Variants in SPHKAP observed in about 807,000 individuals in gnomAD.
SPHKAP encodes the protein SPHK1 interactor, AKAP domain containing.
A neutral mutation model predicts 137.5 loss-of-function variants in SPHKAP; 67 were observed. The ratio of observed to expected loss-of-function variants is 0.49; its 90% CI spans 0.40 to 0.60. The LOEUF (loss-of-function observed/expected upper bound fraction) is 0.60, where lower values mean the gene tolerates loss of function less well. Among genes scored for constraint, SPHKAP ranks in the 20% least tolerant of loss-of-function variants. The probability of loss-of-function intolerance (pLI) is 0.00; values close to 1 mark genes in which losing one functional copy is unlikely to be tolerated. For missense variants in SPHKAP, 2,097 were observed against 2,069.3 expected (o/e 1.01, Z -0.26); for synonymous variants, 813 against 785.3 (o/e 1.04, Z -0.59).
chr2:227,998,173 ATTT>A (rs1387105314), intron 7 of SPHKAP, among the ~76,000 whole-genome samples: 1 of 152,082 alleles, frequency 6.6e-6, no homozygotes, highest in Non-Finnish European at 1.5e-5. Flanking sequence ...TGCCTGGCTA[ATTT>A]TTTTATTTTT....
chr2:228,136,563 T>TA (rs1216082336), intron 1 of SPHKAP, among the ~76,000 whole-genome samples: 1 of 152,170 alleles, frequency 6.6e-6, no homozygotes, highest in African/African-American at 2.4e-5. Context: ...TGGATCCAGT[T>TA]ACTGGAAACT....
chr2:228,156,642 C>T (rs1158444729), intron 1 of SPHKAP, among the ~76,000 whole-genome samples: 1 of 152,190 alleles, frequency 6.6e-6, no homozygotes, highest in African/African-American at 2.4e-5. Flanking sequence ...GCTGTGTCCC[C>T]ACCCAAATCT....
chr2:228,074,763 C>A (rs1221118692), intron 3 of SPHKAP, among the ~76,000 whole-genome samples: 2 of 152,084 alleles, frequency 1.3e-5, no homozygotes, highest in South Asian at 2.1e-4. Flanking sequence ...TATTCTCCTT[C>A]CCTTCTGCCC....
chr2:228,033,883 T>TA (rs1444101368), intron 3 of SPHKAP, among the ~76,000 whole-genome samples: 1 of 152,172 alleles, frequency 6.6e-6, no homozygotes, highest in African/African-American at 2.4e-5. Flanking sequence ...CAAAGAAGTA[T>TA]GTAGAGGGAA....
At chr2:228,108,737 T>C (rs912009944) in intron 3 of SPHKAP, 95 bp downstream of exon 3, 3 of 801,616 alleles carry the variant, frequency 3.7e-6, no homozygotes, top group Admixed American at 5.4e-5. Context: ...CAACTTGGTA[T>C]TTAATGAATT....
intron 9 of SPHKAP, among the ~76,000 whole-genome samples, chr2:227,992,300 C>A (rs893021469): frequency 6.6e-6 from 1 of 152,126 alleles, no homozygotes; most frequent in Admixed American, 6.5e-5. Context: ...TTCATTCATA[C>A]TTATTTATTT....
intron 3 of SPHKAP, among the ~76,000 whole-genome samples, chr2:228,032,401 C>G (rs1276341898): frequency 6.6e-6 from 1 of 152,192 alleles, no homozygotes; most frequent in Non-Finnish European, 1.5e-5. Context: ...AAATCTACGT[C>G]TGATTGCTGT....
intron 3 of SPHKAP, among the ~76,000 whole-genome samples, chr2:228,092,543 CATATATATGTGTATATGTGCCA>C (rs1697831958): frequency 1.1e-5 from 1 of 89,006 alleles, no homozygotes; most frequent in African/African-American, 4.4e-5. Context: ...ATATATGTGC[CATATATATGTGTATATGTGCCA>C]TATATATGTG....
intron 3 of SPHKAP, among the ~76,000 whole-genome samples, chr2:228,063,739 T>TA (rs1696738934): frequency 6.6e-6 from 1 of 152,194 alleles, no homozygotes; most frequent in Admixed American, 6.5e-5. Flanking sequence ...AGACACTGAC[T>TA]TATTCATGCA....
At chr2:228,172,668 G>T (rs1700619636) in intron 1 of SPHKAP, among the ~76,000 whole-genome samples, 1 of 152,250 alleles carries the variant, frequency 6.6e-6, no homozygotes, top group East Asian at 1.9e-4. Context: ...AACCCCAGGG[G>T]ATTAAGACCA....
chr2:228,030,558 A>G (rs1258555098), intron 3 of SPHKAP, among the ~76,000 whole-genome samples: 1 of 149,736 alleles, frequency 6.7e-6, no homozygotes, highest in African/African-American at 2.5e-5. Flanking sequence ...AAAAAAAAAT[A>G]AAAAAATTAA....
chr2:228,024,360 TTA>T (rs1491289439), intron 5 of SPHKAP, among the ~76,000 whole-genome samples: 12 of 142,526 alleles, frequency 8.4e-5, no homozygotes, highest in South Asian at 2.2e-4. Flanking sequence ...TTTTTTTTTT[TTA>T]AATCTGTGAA....
chr2:228,120,537 A>G (rs1486726920), intron 2 of SPHKAP, among the ~76,000 whole-genome samples: 2 of 152,204 alleles, frequency 1.3e-5, no homozygotes, highest in African/African-American at 4.8e-5. Context: ...TAAGATGGCA[A>G]GAAATGACCT....
intron 1 of SPHKAP, among the ~76,000 whole-genome samples, chr2:228,145,272 G>C (rs1016381754): frequency 3.9e-5 from 6 of 152,098 alleles, no homozygotes; most frequent in Non-Finnish European, 7.4e-5. Context: ...AATACTACTG[G>C]TTTCATTTTT....
intron 7 of SPHKAP, among the ~76,000 whole-genome samples, chr2:228,010,446 C>A (rs1364075485): frequency 6.6e-6 from 1 of 152,090 alleles, no homozygotes; most frequent in Admixed American, 6.6e-5. Flanking sequence ...GCAGGAGAAT[C>A]GCTTGCAGCT....
chr2:228,098,724 G>A (rs1226010195), intron 3 of SPHKAP, among the ~76,000 whole-genome samples: 1 of 148,044 alleles, frequency 6.8e-6, no homozygotes, highest in Non-Finnish European at 1.5e-5. Context: ...TAACTAACCT[G>A]CACGTTGTGC....
At chr2:228,152,131 T>A in intron 1 of SPHKAP, among the ~76,000 whole-genome samples, 1 of 152,336 alleles carries the variant, frequency 6.6e-6, no homozygotes, top group Middle Eastern at 3.4e-3. Flanking sequence ...AATTGCTTTA[T>A]TCTCCACTAT....
intron 9 of SPHKAP, 43 bp downstream of exon 9, chr2:227,993,491 G>A: frequency 6.6e-7 from 1 of 1,514,806 alleles, no homozygotes; most frequent in Non-Finnish European, 9.0e-7. Context: ...AGATGGAATT[G>A]GAGTAGTGGT....
At chr2:228,083,635 T>A (rs1255594325) in intron 3 of SPHKAP, among the ~76,000 whole-genome samples, 10 of 152,092 alleles carry the variant, frequency 6.6e-5, no homozygotes, top group Admixed American at 5.2e-4. Context: ...CATGCACACG[T>A]ATGTTTATTG....
Sources: allele counts gnomAD v4.1 joint callset (sites outside exome capture counted in the v4.1 genomes callset), GRCh38; gene constraint gnomAD v4.1.1; transcripts MANE v1.5; gene names NCBI Gene and HGNC (gene_info 2026-07-23, HGNC 2026-07-21).